The following CCDC136 variants were observed in gnomAD, a reference collection of about 807,000 sequenced individuals.
CCDC136 encodes coiled-coil domain containing 136.
CCDC136 carries 100 observed loss-of-function variants against 141.2 expected under a neutral mutation model. The ratio of observed to expected loss-of-function variants is 0.71; its 90% CI spans 0.60 to 0.84. CCDC136 has a LOEUF of 0.84. Among genes scored for constraint, CCDC136 ranks in the 40% least tolerant of loss-of-function variants. The pLI is 0.00. For synonymous variants in CCDC136, 474 were observed against 531.9 expected (o/e 0.89, Z 1.50); for missense variants, 1,206 against 1,379.4 (o/e 0.87, Z 1.99).
Position 128,806,366 on chromosome 7 carries a change from T to C in CCDC136, c.1219T>C (p.Ser407Pro). The C allele has an allele frequency of 6.2e-7, 1 of 1,605,206 alleles. No homozygotes were observed. Among genetic ancestry groups the C allele is most frequent in the Non-Finnish European group, 8.5e-7 (1 of 1,175,648 alleles). The change falls in exon 8 of 18, where the codon TCC (serine) becomes CCC (proline). Residue 407 changes from serine to proline, a missense_variant. By Grantham distance (74) the Ser-to-Pro change is moderately conservative. Coordinates refer to ENST00000297788, the MANE Select transcript of CCDC136 (RefSeq NM_022742.5). Reference sequence around the variant, plus strand: ...GCTCCGGCAGCTCAAAGTCATGAAATCCACACTTGTAGAAAACCAGAGTGA... The same window carrying C: ...GCTCCGGCAGCTCAAAGTCATGAAACCCACACTTGTAGAAAACCAGAGTGA... ...TELRQLKVMK[S>P]TLVENQSEKE...
chr7:128,805,817 G>A lies in CCDC136; in HGVS notation c.1005G>A (p.Glu335=). 1 of 1,613,888 alleles carries A rather than the reference G, an allele frequency of 6.2e-7. No homozygotes were observed. Among genetic ancestry groups the A allele is most frequent in the East Asian group, 2.2e-5 (1 of 44,878 alleles). The change falls in exon 7 of 18, where the codon GAG becomes GAA. Residue 335 remains glutamate (E), a synonymous_variant. Coordinates refer to ENST00000297788, the MANE Select transcript of CCDC136 (RefSeq NM_022742.5). This position sits in a 1 kb window ranked among gnomAD's most constrained non-coding sequence, Gnocchi z 4.6. ...EELQHHRQVS[E]EEQRRLQREL... Reference sequence around the variant, plus strand: ...TACAGCATCATCGCCAGGTCAGTGAGGAGGAGCAGAGGCGGCTGCAGAGGG... The same window carrying A: ...TACAGCATCATCGCCAGGTCAGTGAAGAGGAGCAGAGGCGGCTGCAGAGGG...
At chr7:128,799,411 AG>A (rs1470784985) in intron 3 of CCDC136, among the ~76,000 whole-genome samples, 2 of 151,842 alleles carry the variant, frequency 1.3e-5, no homozygotes, top group Admixed American at 1.3e-4. Flanking sequence ...ACTTAGCAAA[AG>A]TTTGTTGAAT....
rs183367721 is a variant in CCDC136, at chr7:128,808,783, G to A, written c.1606-667G>A. ...AGCCCAGGTGATCTGTGACTTGCTC[G>A]TCACCTCTTCCCCTAATGGGAAAAA... On this transcript the variant is annotated intron_variant, in intron 10 of 17. Transcript: ENST00000297788. 79 of 985,310 alleles carry A rather than the reference G, an allele frequency of 8.0e-5. No homozygotes were observed. The East Asian group carries it at 6.7e-3, about 84-fold the overall frequency. 61.0% of individuals were successfully genotyped at this position (985,310 alleles called of 1,614,324 possible).
intron 3 of CCDC136, among the ~76,000 whole-genome samples, chr7:128,800,458 CT>C (rs67467689): frequency 4.0e-3 from 546 of 137,624 alleles, no homozygotes; most frequent in Admixed American, 4.9e-3. Context: ...ACCTGGCTTT[CT>C]TTTTTTTTTT....
At chr7:128,810,454 G>A (rs1011840849) in intron 12 of CCDC136, 88 bp downstream of exon 12, 9 of 964,360 alleles carry the variant, frequency 9.3e-6, no homozygotes, top group Non-Finnish European at 1.4e-5. Flanking sequence ...TCAGAGTTGG[G>A]AAGGCGTGTT....
intron 3 of CCDC136, among the ~76,000 whole-genome samples, chr7:128,796,743 T>TATATATATATATATA (rs1282909541): frequency 9.0e-5 from 9 of 99,484 alleles, no homozygotes; most frequent in African/African-American, 3.9e-4. Flanking sequence ...ATATATATTC[T>TATATATATATATATA]TTTTTTTTTT....
chr7:128,799,634 T>G (rs528413695), intron 3 of CCDC136, among the ~76,000 whole-genome samples: 1 of 150,444 alleles, frequency 6.6e-6, no homozygotes, highest in African/African-American at 2.4e-5. Flanking sequence ...AATAGAGGAC[T>G]TCTCTTATTT....
chr7:128,821,344 C>G lies in CCDC136; in HGVS notation c.*6-455C>G. On this transcript the variant is annotated intron_variant, in intron 17 of 17. Coordinates refer to ENST00000297788, the MANE Select transcript of CCDC136 (RefSeq NM_022742.5). The surrounding 1 kb of genome is among the most constrained non-coding windows in gnomAD (Gnocchi z 5.1). ...TTACCTGCACTCCGTGGTGCACTTT[C>G]TTCATTTCCCCTCAGCCTTATTCCC... 6.6e-6 allele frequency among the ~76,000 whole-genome samples: 1 copy of G among 152,218 alleles called. No homozygotes were observed. The highest frequency in any genetic ancestry group is 6.5e-5 in the Admixed American group (1 of 15,284).
At position 128,814,806 on chromosome 7, in the gene CCDC136, G is replaced by A; in HGVS notation, c.2932G>A (p.Ala978Thr). 1 of 1,612,234 alleles carries A rather than the reference G, an allele frequency of 6.2e-7. No homozygotes were observed. The highest frequency in any genetic ancestry group is 8.5e-7 in the Non-Finnish European group (1 of 1,179,062). ...REKRPSVVKE[A>T]RGKNANKNMN... ...GAAGAGGCCTTCTGTTGTCAAAGAA[G>A]CCCGGGGGAAGAATGCTAATAAGAA... Residue 978 changes from alanine to threonine, a missense_variant, in exon 15 of 18, where the codon GCC becomes ACC. Physicochemically the swap from Ala to Thr is moderately conservative, Grantham distance 58. Coordinates refer to ENST00000297788, the MANE Select transcript of CCDC136 (RefSeq NM_022742.5).
intron 3 of CCDC136, among the ~76,000 whole-genome samples, chr7:128,796,352 G>C (rs1488721182): frequency 6.6e-6 from 1 of 152,150 alleles, no homozygotes; most frequent in East Asian, 1.9e-4. Flanking sequence ...GCCCAGAGGT[G>C]AGAATGAGCT....
rs1311654239 is a variant in CCDC136 at position 128,814,676 on chromosome 7, G to C, written c.2802G>C (p.Leu934=). The C allele has an allele frequency of 3.8e-6, 6 of 1,599,650 alleles. No individual in the cohort carries two copies. The highest frequency in any genetic ancestry group is 5.1e-6 in the Non-Finnish European group (6 of 1,171,882). ...AGACCAAGCTGCGGGAGCTGCAGCT[G>C]CAATACCAGGCTAGCATGGATGAGC... The part of the protein sequence containing the change: ...ELQTKLRELQ[L]QYQASMDEQG... The change falls in exon 15 of 18, where the codon CTG becomes CTC. Residue 934 remains leucine, a synonymous_variant. Transcript: ENST00000297788.
intron 12 of CCDC136, 77 bp from the exon 13 acceptor site, chr7:128,811,723 A>G (rs950028124): frequency 7.4e-7 from 1 of 1,355,984 alleles, no homozygotes; most frequent in Non-Finnish European, 1.0e-6. Flanking sequence ...GCTCTCAGAC[A>G]TCTGTACCAG....
Position 128,810,271 on chromosome 7 carries a change from G to GATCC in CCDC136, c.1934_1935insTCCA (p.Glu645AspfsTer20). 1 of 1,613,964 alleles carries GATCC rather than the reference G, an allele frequency of 6.2e-7. No individual in the cohort carries two copies. Among genetic ancestry groups the GATCC allele is most frequent in the Non-Finnish European group, 8.5e-7 (1 of 1,179,858 alleles). On this transcript the variant is annotated frameshift_variant, in exon 12 of 18. Coordinates refer to ENST00000297788, the MANE Select transcript of CCDC136 (RefSeq NM_022742.5). LOFTEE classifies it high-confidence loss of function. ...AAAAGAACAATTAGAGATCCACGAAGAGCTGCGACGTTTCAAAGAGTCTCA... is the reference window on the plus strand; with the variant it reads ...AAAAGAACAATTAGAGATCCACGAAGATCCAGCTGCGACGTTTCAAAGAGTCTCA...
chr7:128,805,813 G>A lies in CCDC136; in HGVS notation c.1001G>A (p.Ser334Asn), dbSNP rs977884834. Residue 334 changes from serine to asparagine, a missense_variant, in exon 7 of 18, where the codon AGT becomes AAT. Ser to Asn is a conservative substitution (Grantham distance 46). Transcript: ENST00000297788. This position sits in a 1 kb window ranked among gnomAD's most constrained non-coding sequence, Gnocchi z 4.6. ...GAGCTACAGCATCATCGCCAGGTCA[G>A]TGAGGAGGAGCAGAGGCGGCTGCAG... ...LEELQHHRQV[S>N]EEEQRRLQRE... 3 of 1,613,728 alleles carry A rather than the reference G, an allele frequency of 1.9e-6. No homozygotes were observed. The highest frequency in any genetic ancestry group is 2.5e-6 in the Non-Finnish European group (3 of 1,179,842).
Position 128,809,439 on chromosome 7 carries a change from C to A in CCDC136, c.1606-11C>A, listed in dbSNP as rs1805371451. The A allele has an allele frequency of 1.3e-6, 2 of 1,513,492 alleles. No individual in the cohort carries two copies. Among genetic ancestry groups the A allele is most frequent in the East Asian group, 5.0e-5 (2 of 40,230 alleles). 93.8% of individuals were successfully genotyped at this position (1,513,492 alleles called of 1,614,324 possible). ...AGTAACCACCCCCTCCACACCCGCC[C>A]CCACCCACAGTGTGACACACTGCTG... On this transcript the variant is annotated splice_polypyrimidine_tract_variant and intron_variant, in intron 10 of 17. Coordinates refer to ENST00000297788, the MANE Select transcript of CCDC136 (RefSeq NM_022742.5).
At chr7:128,801,705 A>G (rs1413950961) in intron 4 of CCDC136, among the ~76,000 whole-genome samples, 196 bp downstream of exon 4, 2 of 152,178 alleles carry the variant, frequency 1.3e-5, no homozygotes, top group Admixed American at 6.5e-5. Flanking sequence ...CCAAGATGGG[A>G]GGATCACTCG....
At chr7:128,804,843 C>G in intron 5 of CCDC136, 82 bp downstream of exon 5, 1 of 844,950 alleles carries the variant, frequency 1.2e-6, no homozygotes, top group South Asian at 1.6e-5. Context: ...AAGGCAGATG[C>G]CAGGGCAGTG....
At chr7:128,807,951 G>A (rs191218041) in intron 10 of CCDC136, 2 of 153,158 alleles carry the variant, frequency 1.3e-5, no homozygotes, top group South Asian at 2.1e-4. Context: ...GTCTTATAAA[G>A]GGGTACGGTC....
chr7:128,815,541 G>GTA, intron 15 of CCDC136, 73 bp from the exon 16 acceptor site: 1 of 1,450,594 alleles, frequency 6.9e-7, no homozygotes, highest in Non-Finnish European at 9.2e-7. Context: ...CCTGGAGCTA[G>GTA]TACAGCATTG....
Sources: gnomAD v4.1 joint callset for allele counts (sites outside exome capture counted in the v4.1 genomes callset) on GRCh38, gnomAD v4.1.1 for gene constraint, Gnocchi (gnomAD v3.1) non-coding constraint, MANE v1.5 for transcripts, NCBI Gene and HGNC (gene_info 2026-07-23, HGNC 2026-07-21) for gene names.